The following SHTN1 variants were observed in gnomAD, a reference collection of about 807,000 sequenced individuals.
SHTN1 encodes the protein shootin 1, also known as shootin-1.
In SHTN1, 42 loss-of-function variants were observed where a neutral mutation model predicts 83.1. The ratio of observed to expected loss-of-function variants is 0.51; its 90% CI spans 0.39 to 0.65. The LOEUF is 0.65. Ranked by LOEUF, SHTN1 falls within the 30% of genes least tolerant of loss-of-function variation. SHTN1 has a pLI of 0.00. For synonymous variants in SHTN1, 224 were observed against 247.7 expected (o/e 0.90, Z 0.90); for missense variants, 622 against 737.8 (o/e 0.84, Z 1.82).
chr10:117,126,218 T>G (rs947067410), intron 1 of SHTN1: 1 of 153,752 alleles, frequency 6.5e-6, no homozygotes, highest in Non-Finnish European at 1.5e-5. Context: ...AGTCCCTATT[T>G]CTGCCCGTGC....
chr10:116,890,837 T>G (rs1253123065), intron 16 of SHTN1, among the ~76,000 whole-genome samples: 1 of 152,222 alleles, frequency 6.6e-6, no homozygotes, highest in Non-Finnish European at 1.5e-5. Flanking sequence ...ATGCCAACGC[T>G]GAACTTTACA....
intron 1 of SHTN1, among the ~76,000 whole-genome samples, chr10:117,089,183 G>C (rs1199688372): frequency 6.6e-6 from 1 of 152,130 alleles, no homozygotes; most frequent in East Asian, 1.9e-4. Context: ...ACTAAAATGG[G>C]CACAAGGGAA....
chr10:116,969,605 C>A (rs994512610), intron 2 of SHTN1, among the ~76,000 whole-genome samples: 4 of 152,072 alleles, frequency 2.6e-5, no homozygotes, highest in African/African-American at 9.7e-5. Flanking sequence ...TTTATATAAA[C>A]CGATTTTTAA....
intron 1 of SHTN1, among the ~76,000 whole-genome samples, chr10:116,982,086 C>G (rs1851042464): frequency 1.3e-5 from 2 of 152,014 alleles, no homozygotes. Context: ...AAACAGAAAC[C>G]CATGATCTTA....
At position 116,901,849 on chromosome 10, in the gene SHTN1, A is replaced by C. The variant is rs1847750583; in HGVS notation, c.1589T>G (p.Phe530Cys). Residue 530 changes from phenylalanine to cysteine, a missense_variant, in exon 16 of 17, where the codon TTC becomes TGC. Transcript: ENST00000355371. ...ALNKKTLEAEFNSPSPPTPEP... is the reference protein window; with the variant it reads ...ALNKKTLEAECNSPSPPTPEP... ...AGGTGTTGGGGGGGACGGGCTGTTG[A>C]ATTCTGCCTCCAGAGTTTTCTTGTT... is the stretch of plus-strand genomic sequence containing the variant. 1.2e-6 allele frequency: 2 copies of C among 1,605,608 alleles called. No individual in the cohort carries two copies. The highest frequency in any genetic ancestry group is 2.7e-5 in the African/African-American group (2 of 74,108).
Position 116,991,073 on chromosome 10 carries a change from C to T in SHTN1, c.59-11765G>A, listed in dbSNP as rs566265928. 2.0e-4 allele frequency among the ~76,000 whole-genome samples: 30 copies of T among 152,226 alleles called. No homozygotes were observed. The East Asian group carries it at 5.4e-3, about 28-fold the overall frequency. ...CGGTGGTGGGCGCCTGTAGTCCCAGCTACTCTGGAGGCTGAGGCAGGAGAA... is the reference window on the plus strand; with the variant it reads ...CGGTGGTGGGCGCCTGTAGTCCCAGTTACTCTGGAGGCTGAGGCAGGAGAA... On this transcript the variant is annotated intron_variant, in intron 1 of 16. Transcript: ENST00000355371.
chr10:116,907,531 T>C (rs1265055429), intron 14 of SHTN1, among the ~76,000 whole-genome samples: 1 of 152,170 alleles, frequency 6.6e-6, no homozygotes, highest in Non-Finnish European at 1.5e-5. Context: ...CCGGGAAGTA[T>C]GTTACAGAGT....
chr10:116,954,138 T>C lies in SHTN1; in HGVS notation c.340A>G (p.Thr114Ala). The C allele has an allele frequency of 1.2e-6, 2 of 1,613,820 alleles. No homozygotes were observed. The highest frequency in any genetic ancestry group is 2.7e-5 in the African/African-American group (2 of 75,050). ...TCATCATCAATGTTTATCTCTTCAG[T>C]TATTACATCTGGTCCCAGCTTGGCC... is the stretch of plus-strand genomic sequence containing the variant. Reference protein sequence around the residue: ...YMAKLGPDVITEEINIDDEDS... With the variant: ...YMAKLGPDVIAEEINIDDEDS... The change falls in exon 5 of 17, where the codon ACT becomes GCT. Residue 114 changes from threonine (T) to alanine (A), a missense_variant. Thr to Ala is a moderately conservative substitution (Grantham distance 58). Around this residue, in one of 3 missense-constraint regions of SHTN1, gnomAD observed 383 missense variants for 455.8 expected, o/e 0.84. Coordinates refer to ENST00000355371, the MANE Select transcript of SHTN1 (RefSeq NM_001127211.3).
intron 1 of SHTN1, among the ~76,000 whole-genome samples, chr10:117,097,288 G>C (rs1324021802): frequency 6.6e-6 from 1 of 152,170 alleles, no homozygotes; most frequent in African/African-American, 2.4e-5. Context: ...AGAATGTATG[G>C]TCTTATTTGG....
chr10:116,944,085 G>C (rs1037627014), intron 8 of SHTN1, among the ~76,000 whole-genome samples: 1 of 152,182 alleles, frequency 6.6e-6, no homozygotes, highest in Non-Finnish European at 1.5e-5. Flanking sequence ...GCCAGTGGAA[G>C]AACTTCCTGG....
chr10:117,012,844 A>G (rs963369994), intron 2 of SHTN1, among the ~76,000 whole-genome samples: 4 of 152,228 alleles, frequency 2.6e-5, no homozygotes, highest in Non-Finnish European at 5.9e-5. Flanking sequence ...TTTAAAAATC[A>G]CATATTAATA....
intron 1 of SHTN1, among the ~76,000 whole-genome samples, chr10:117,057,872 G>A (rs1035836860): frequency 2.6e-5 from 4 of 152,120 alleles, no homozygotes; most frequent in South Asian, 2.1e-4. Context: ...ATCACAAGAC[G>A]TTTAAAGAAA....
At chr10:116,927,229 A>G (rs912686415) in intron 11 of SHTN1, among the ~76,000 whole-genome samples, 2 of 152,244 alleles carry the variant, frequency 1.3e-5, no homozygotes, top group African/African-American at 4.8e-5. Context: ...ATTCTGGAAA[A>G]GCTCAAAATT....
intron 1 of SHTN1, among the ~76,000 whole-genome samples, chr10:116,994,449 T>C (rs74538370): frequency 6.6e-6 from 1 of 152,108 alleles, no homozygotes; most frequent in Non-Finnish European, 1.5e-5. Context: ...GATTTTCCTA[T>C]AGTATTGACA....
intron 4 of SHTN1, among the ~76,000 whole-genome samples, chr10:116,959,130 G>A (rs1379836673): frequency 6.6e-6 from 1 of 152,154 alleles, no homozygotes; most frequent in Non-Finnish European, 1.5e-5. Flanking sequence ...GTGAACTCTA[G>A]GAATGTGCCG....
chr10:117,103,392 C>A (rs529384935), intron 1 of SHTN1, among the ~76,000 whole-genome samples: 3 of 151,790 alleles, frequency 2.0e-5, no homozygotes, highest in African/African-American at 7.3e-5. Context: ...CACCCAGCCT[C>A]GTTGTTCATT....
intron 16 of SHTN1, 118 bp downstream of exon 16, chr10:116,901,647 A>G (rs1847741405): frequency 7.4e-7 from 1 of 1,356,748 alleles, no homozygotes; most frequent in Non-Finnish European, 9.4e-7. Context: ...GAAAAGAAGA[A>G]GAGAATTTAC....
chr10:116,893,732 C>T (rs1464864178), intron 16 of SHTN1, among the ~76,000 whole-genome samples: 2 of 152,094 alleles, frequency 1.3e-5, no homozygotes, highest in Non-Finnish European at 2.9e-5. Flanking sequence ...AACATGACCC[C>T]AAACCTCTCT....
In SHTN1 at chr10:117,001,375, AG is replaced by A. The variant is rs1851817437; in HGVS notation, c.58+3646del. On this transcript the variant is annotated intron_variant, in intron 1 of 16. Transcript: ENST00000355371. Reference sequence around the variant, plus strand: ...GTGTGATTTATAAGACATAGAGCTTAGGGAATGGTAAGTATAAATTAGAGAT... The same window carrying A: ...GTGTGATTTATAAGACATAGAGCTTAGGAATGGTAAGTATAAATTAGAGAT... Among the ~76,000 whole-genome samples, 2 of 152,206 alleles carry A rather than the reference AG, an allele frequency of 1.3e-5. 1 individual carries two copies. Among genetic ancestry groups the A allele is most frequent in the South Asian group, 4.1e-4 (2 of 4,838 alleles).
Sources: gnomAD v4.1 joint callset for allele counts (sites outside exome capture counted in the v4.1 genomes callset) on GRCh38, gnomAD v4.1.1 for gene constraint, gnomAD v4.1.1 regional missense constraint, MANE v1.5 for transcripts, NCBI Gene and HGNC (gene_info 2026-07-23, HGNC 2026-07-21) for gene names.